The following TMEM132C variants were observed in gnomAD, a reference collection of about 807,000 sequenced individuals.
The protein encoded by TMEM132C is protein phosphatase 1, regulatory subunit 152.
A neutral mutation model predicts 61.4 loss-of-function variants in TMEM132C; 29 were observed. The observed-to-expected ratio is 0.47, with a 90% CI of 0.35 to 0.64. TMEM132C has a LOEUF of 0.64. Ranked by LOEUF, TMEM132C falls within the 30% of genes least tolerant of loss-of-function variation. The pLI, the probability that TMEM132C is intolerant of heterozygous loss-of-function variation, is 0.00. For missense variants in TMEM132C, 1,408 were observed against 1,476.9 expected, an observed-to-expected ratio of 0.95 and a Z score of 0.76; for synonymous variants, 656 against 633.1, an observed-to-expected ratio of 1.04 and a Z score of -0.54.
Position 128,491,773 on chromosome 12 carries a change from C to G in TMEM132C, c.975-52184C>G, listed in dbSNP as rs147477384. Among the ~76,000 whole-genome samples the G allele has an allele frequency of 2.2e-3, 334 of 152,142 alleles. 1 individual carries two copies. The highest frequency in any genetic ancestry group is 7.8e-3 in the African/African-American group (325 of 41,506). On this transcript the variant is annotated intron_variant, in intron 2 of 8. Transcript: ENST00000435159. The stretch of plus-strand genomic sequence containing the variant: ...TCTCAACTGCACCAGTTCCCAACTT[C>G]AGGTTGCCTCCAGGAGTCTGCTTAC...
At chr12:128,581,589 C>A (rs1487557978) in intron 3 of TMEM132C, among the ~76,000 whole-genome samples, 2 of 152,144 alleles carry the variant, frequency 1.3e-5, no homozygotes, top group Non-Finnish European at 2.9e-5. Context: ...CAAAGTTCGC[C>A]ATGATAATGA....
chr12:128,331,264 T>C (rs1407489898), intron 1 of TMEM132C, among the ~76,000 whole-genome samples: 1 of 152,208 alleles, frequency 6.6e-6, no homozygotes, highest in Non-Finnish European at 1.5e-5. Context: ...TTTTGTAATA[T>C]ATGCACATCA....
intron 2 of TMEM132C, among the ~76,000 whole-genome samples, chr12:128,467,739 C>T (rs1466238598): frequency 2.6e-5 from 4 of 152,136 alleles, no homozygotes; most frequent in South Asian, 4.1e-4. Flanking sequence ...ACTCAGCTTC[C>T]GATCAGCTGC....
chr12:128,477,625 G>A (rs1871192653), intron 2 of TMEM132C, among the ~76,000 whole-genome samples: 1 of 152,164 alleles, frequency 6.6e-6, no homozygotes, highest in Admixed American at 6.5e-5. Flanking sequence ...TGTTGCCCAA[G>A]CTGGAGTGCA....
intron 5 of TMEM132C, among the ~76,000 whole-genome samples, chr12:128,692,570 A>G (rs1163279457): frequency 6.6e-6 from 1 of 152,098 alleles, no homozygotes; most frequent in Admixed American, 6.5e-5. Flanking sequence ...TTTCCAGGGG[A>G]TTTAACTATT....
intron 3 of TMEM132C, among the ~76,000 whole-genome samples, chr12:128,594,928 C>G (rs772366356): frequency 7.2e-5 from 11 of 152,188 alleles, no homozygotes; most frequent in Admixed American, 1.3e-4. Flanking sequence ...GGCCTCAGTG[C>G]CTGTGATTTG....
intron 1 of TMEM132C, among the ~76,000 whole-genome samples, chr12:128,338,539 G>A (rs1018996555): frequency 2.6e-5 from 4 of 152,000 alleles, no homozygotes; most frequent in South Asian, 2.1e-4. Context: ...CCAGCGTGTC[G>A]CATGCCAAGG....
At chr12:128,662,779 T>G (rs1954405262) in intron 4 of TMEM132C, among the ~76,000 whole-genome samples, 1 of 152,182 alleles carries the variant, frequency 6.6e-6, no homozygotes, top group Non-Finnish European at 1.5e-5. Context: ...TACCTCTTCT[T>G]GACTCCCAGC....
chr12:128,532,624 G>A, intron 2 of TMEM132C, among the ~76,000 whole-genome samples: 1 of 114,560 alleles, frequency 8.7e-6, no homozygotes. Context: ...CTGGGTGACA[G>A]AGTGAGACTC....
At chr12:128,294,030 G>A (rs1709696) in intron 1 of TMEM132C, 5,279 of 154,616 alleles carry the variant, frequency 0.034, 94 homozygotes, top group African/African-American at 0.041. Context: ...AATCAGAATG[G>A]AATAAAATGG....
intron 2 of TMEM132C, among the ~76,000 whole-genome samples, chr12:128,491,374 C>T (rs549979148): frequency 4.6e-4 from 70 of 152,248 alleles, no homozygotes; most frequent in Admixed American, 7.8e-4. Flanking sequence ...ATTTTGCTTC[C>T]GGCGGCCCTG....
intron 2 of TMEM132C, among the ~76,000 whole-genome samples, chr12:128,458,622 A>G (rs1644491389): frequency 6.6e-6 from 1 of 152,146 alleles, no homozygotes. Context: ...ATCCCTTCAC[A>G]TAAAAGCCGT....
chr12:128,548,083 G>A (rs1387368704), intron 3 of TMEM132C, among the ~76,000 whole-genome samples: 1 of 152,214 alleles, frequency 6.6e-6, no homozygotes, highest in Admixed American at 6.5e-5. Context: ...TCTGAGAGCG[G>A]CAGGCAGCTA....
chr12:128,583,982 T>C (rs1256449644), intron 3 of TMEM132C, among the ~76,000 whole-genome samples: 1 of 152,192 alleles, frequency 6.6e-6, no homozygotes, highest in Non-Finnish European at 1.5e-5. Flanking sequence ...ATTTCTGCTC[T>C]TCAAGAGGCA....
rs974174274 is a variant in TMEM132C, at chr12:128,695,909, G to C, written c.1735G>C (p.Val579Leu). ...CGCACTGCAATACCAGCACGCCACCGTGCGGGTCCTCACCCAGTTTGTGTC... is the reference window on the plus strand; with the variant it reads ...CGCACTGCAATACCAGCACGCCACCCTGCGGGTCCTCACCCAGTTTGTGTC... Reference protein sequence around the residue: ...GCALQYQHATVRVLTQFVSEG... With the variant: ...GCALQYQHATLRVLTQFVSEG... Residue 579 changes from valine to leucine, a missense_variant, in exon 7 of 9, where the codon GTG (valine) becomes CTG (leucine). By Grantham distance (32) the Val-to-Leu change is conservative. Coordinates refer to ENST00000435159, the MANE Select transcript of TMEM132C (RefSeq NM_001136103.3). 7 of 1,551,542 alleles carry C rather than the reference G, an allele frequency of 4.5e-6. No homozygotes were observed. Among genetic ancestry groups the C allele is most frequent in the East Asian group, 2.4e-5 (1 of 40,930 alleles).
intron 2 of TMEM132C, among the ~76,000 whole-genome samples, chr12:128,540,390 A>C (rs573652966): frequency 3.3e-5 from 5 of 152,252 alleles, no homozygotes; most frequent in African/African-American, 1.2e-4. Flanking sequence ...AGTAGCTGGG[A>C]CTACAGGCAT....
chr12:128,384,263 A>G (rs1874507026), intron 1 of TMEM132C, among the ~76,000 whole-genome samples: 1 of 152,166 alleles, frequency 6.6e-6, no homozygotes, highest in African/African-American at 2.4e-5. Flanking sequence ...AGCATGGGCC[A>G]CAGGATGGGA....
chr12:128,582,414 CTTT>C (rs36054458), intron 3 of TMEM132C, among the ~76,000 whole-genome samples: 4,969 of 132,428 alleles, frequency 0.038, 87 homozygotes, highest in Non-Finnish European at 0.056. Flanking sequence ...ATAGATGCTG[CTTT>C]TTTTTTTTTT....
At chr12:128,279,623 G>C (rs541317044) in intron 1 of TMEM132C, among the ~76,000 whole-genome samples, 1 of 152,132 alleles carries the variant, frequency 6.6e-6, no homozygotes, top group Non-Finnish European at 1.5e-5. Context: ...GGCTCCCACC[G>C]CAGGGCCTTT....
Sources: gnomAD v4.1 joint callset for allele counts (sites outside exome capture counted in the v4.1 genomes callset) on GRCh38, gnomAD v4.1.1 for gene constraint, MANE v1.5 for transcripts, NCBI Gene and HGNC (gene_info 2026-07-23, HGNC 2026-07-21) for gene names.